The following CSMD3 variants were observed in gnomAD, a reference collection of about 807,000 sequenced individuals.
The protein encoded by CSMD3 is CUB and Sushi multiple domains 3.
In CSMD3, 177 loss-of-function variants were observed where a neutral mutation model predicts 435.2. The ratio of observed to expected loss-of-function variants is 0.41; its 90% CI spans 0.36 to 0.46. The LOEUF is 0.46. Among genes scored for constraint, CSMD3 ranks in the 20% least tolerant of loss-of-function variants. The probability of loss-of-function intolerance (pLI) is 0.34; values close to 1 mark genes in which losing one functional copy is unlikely to be tolerated. For missense variants in CSMD3, 4,265 were observed against 4,504.6 expected (o/e 0.95, Z 1.52); for synonymous variants, 1,656 against 1,520.5 (o/e 1.09, Z -2.07).
intron 32 of CSMD3, among the ~76,000 whole-genome samples, chr8:112,465,544 A>T (rs891881229): frequency 2.0e-5 from 3 of 152,212 alleles, no homozygotes; most frequent in African/African-American, 7.2e-5. Context: ...CAAATTAAAT[A>T]ATATAATCAT....
intron 7 of CSMD3, among the ~76,000 whole-genome samples, chr8:112,955,261 T>A (rs1237023975): frequency 1.3e-5 from 2 of 151,708 alleles, no homozygotes; most frequent in African/African-American, 4.8e-5. Context: ...TTTTAATAGC[T>A]CTGTCAATCA....
chr8:112,676,409 C>A (rs1292504379), intron 16 of CSMD3, among the ~76,000 whole-genome samples: 1 of 151,902 alleles, frequency 6.6e-6, no homozygotes, highest in African/African-American at 2.4e-5. Flanking sequence ...GCCTGAGTAG[C>A]ATATTTAATA....
chr8:112,326,616 T>G (rs890560729), intron 45 of CSMD3, among the ~76,000 whole-genome samples: 1 of 152,232 alleles, frequency 6.6e-6, no homozygotes, highest in Non-Finnish European at 1.5e-5. Context: ...CCCATACTCA[T>G]GTAACTTCAA....
At chr8:112,674,319 T>G (rs2075724655) in intron 16 of CSMD3, among the ~76,000 whole-genome samples, 1 of 152,124 alleles carries the variant, frequency 6.6e-6, no homozygotes, top group South Asian at 2.1e-4. Flanking sequence ...GTCATAGTCC[T>G]TTCCTGGAAG....
intron 17 of CSMD3, among the ~76,000 whole-genome samples, chr8:112,660,393 T>C (rs1482032953): frequency 1.3e-5 from 2 of 152,148 alleles, no homozygotes; most frequent in African/African-American, 2.4e-5. Flanking sequence ...AAATACCTTG[T>C]TCATCCCTTT....
chr8:113,305,517 A>G (rs1291407861), intron 2 of CSMD3, among the ~76,000 whole-genome samples: 1 of 152,198 alleles, frequency 6.6e-6, no homozygotes, highest in Non-Finnish European at 1.5e-5. Context: ...TCTAAGGAAC[A>G]AAGTGTTTAA....
chr8:113,058,117 A>G (rs1030941245), intron 5 of CSMD3, among the ~76,000 whole-genome samples: 21 of 151,924 alleles, frequency 1.4e-4, no homozygotes, highest in African/African-American at 5.1e-4. Context: ...TTTTAATTGA[A>G]ATATCAAAAT....
chr8:113,329,300 C>G (rs1355117615), intron 1 of CSMD3, among the ~76,000 whole-genome samples: 5 of 151,366 alleles, frequency 3.3e-5, no homozygotes, highest in African/African-American at 1.2e-4. Flanking sequence ...GAGAAATTAG[C>G]TTAAAATAAC....
Position 113,172,301 on chromosome 8 carries a change from T to G in CSMD3, c.709+1421A>C, listed in dbSNP as rs137922262. ...AAATATCTGAGCTTCAGTTTCCTAT[T>G]ATAGTGAAATTTAAGTGATAATGCT... is the stretch of plus-strand genomic sequence containing the variant. On this transcript the variant is annotated intron_variant, in intron 4 of 70. Coordinates refer to ENST00000297405, the MANE Select transcript of CSMD3 (RefSeq NM_198123.2). 2.4e-3 allele frequency among the ~76,000 whole-genome samples: 361 copies of G among 152,312 alleles called. 2 individuals are homozygous for G. Among genetic ancestry groups the G allele is most frequent in the African/African-American group, 8.6e-3 (358 of 41,580 alleles).
chr8:112,607,404 T>C (rs1019550285), intron 22 of CSMD3, among the ~76,000 whole-genome samples: 1 of 152,088 alleles, frequency 6.6e-6, no homozygotes, highest in Non-Finnish European at 1.5e-5. Flanking sequence ...TTATTTAACA[T>C]TTAAAGAATA....
At chr8:112,885,364 G>GTATATA (rs5894114) in intron 10 of CSMD3, among the ~76,000 whole-genome samples, 1 of 148,612 alleles carries the variant, frequency 6.7e-6, no homozygotes, top group Non-Finnish European at 1.5e-5. Context: ...CAAATAGCCA[G>GTATATA]TATATATATA....
chr8:113,079,333 A>C (rs2131444365), intron 5 of CSMD3, among the ~76,000 whole-genome samples: 1 of 152,306 alleles, frequency 6.6e-6, no homozygotes, highest in Middle Eastern at 3.4e-3. Context: ...CAAAATCTAC[A>C]TTAATACTTC....
intron 45 of CSMD3, among the ~76,000 whole-genome samples, chr8:112,321,591 C>T (rs993865502): frequency 4.6e-5 from 7 of 152,016 alleles, no homozygotes; most frequent in African/African-American, 1.2e-4. Context: ...GATTAATTGG[C>T]TAATAAACAT....
chr8:112,948,909 T>C (rs1215196261), intron 8 of CSMD3, among the ~76,000 whole-genome samples: 1 of 151,944 alleles, frequency 6.6e-6, no homozygotes, highest in African/African-American at 2.4e-5. Context: ...TTTTGGGAGT[T>C]TTTGGTTTTT....
intron 3 of CSMD3, among the ~76,000 whole-genome samples, chr8:113,186,104 C>T (rs1031009148): frequency 4.6e-5 from 7 of 152,108 alleles, no homozygotes; most frequent in South Asian, 4.2e-4. Context: ...GAGAGCACTC[C>T]GGGATATTTG....
intron 54 of CSMD3, among the ~76,000 whole-genome samples, chr8:112,292,965 T>C (rs1288892360): frequency 2.6e-5 from 4 of 152,140 alleles, no homozygotes; most frequent in Non-Finnish European, 5.9e-5. Context: ...AAGTGGTACA[T>C]AGATATTTAA....
At chr8:113,401,416 G>C (rs2094509554) in intron 1 of CSMD3, among the ~76,000 whole-genome samples, 1 of 151,546 alleles carries the variant, frequency 6.6e-6, no homozygotes, top group African/African-American at 2.4e-5. Flanking sequence ...TATAGTCATT[G>C]ATGATAAAAT....
chr8:113,337,854 CA>C (rs137913099), intron 1 of CSMD3, among the ~76,000 whole-genome samples: 39,085 of 145,922 alleles, frequency 0.27, 5,726 homozygotes, highest in African/African-American at 0.41. Flanking sequence ...GTTTTTACCA[CA>C]AAAAAAAAAT....
intron 45 of CSMD3, among the ~76,000 whole-genome samples, chr8:112,331,972 A>C (rs1238988931): frequency 2.0e-5 from 3 of 152,062 alleles, no homozygotes; most frequent in Admixed American, 2.0e-4. Context: ...TGTTCTTGTT[A>C]AGGAGGATGT....
Sources: gnomAD v4.1 joint callset for allele counts (sites outside exome capture counted in the v4.1 genomes callset) on GRCh38, gnomAD v4.1.1 for gene constraint, MANE v1.5 for transcripts, NCBI Gene and HGNC (gene_info 2026-07-23, HGNC 2026-07-21) for gene names.